GTF2F2: variants seen among roughly 807,000 people sequenced by gnomAD.
The protein encoded by GTF2F2 is ATP-dependent helicase GTF2F2.
GTF2F2 carries 23 observed loss-of-function variants against 42.2 expected under a neutral mutation model. The observed-to-expected ratio is 0.55, with a 90% CI of 0.39 to 0.77. The LOEUF is 0.77. GTF2F2 is among the 30% of genes least tolerant of loss of function. The pLI is 0.00. For synonymous variants in GTF2F2, 105 were observed against 100.8 expected (o/e 1.04, Z -0.25); for missense variants, 261 against 287.2 (o/e 0.91, Z 0.66).
chr13:45,276,795 A>G (rs1432628120), intron 7 of GTF2F2, among the ~76,000 whole-genome samples: 6 of 152,216 alleles, frequency 3.9e-5, no homozygotes, highest in Admixed American at 1.3e-4. Flanking sequence ...AGCCTAAAGA[A>G]AGTAAATTTT....
chr13:45,171,885 T>C (rs1253407160), intron 4 of GTF2F2, among the ~76,000 whole-genome samples: 1 of 151,708 alleles, frequency 6.6e-6, no homozygotes, highest in Non-Finnish European at 1.5e-5. Flanking sequence ...TTTTTTTACT[T>C]AGCATGATGT....
chr13:45,244,505 G>GT (rs1176719137), intron 5 of GTF2F2, among the ~76,000 whole-genome samples: 1 of 151,834 alleles, frequency 6.6e-6, no homozygotes, highest in Non-Finnish European at 1.5e-5. Context: ...CTTGAGCTTT[G>GT]TTTTTTTGAT....
At chr13:45,145,164 T>C (rs961145813) in intron 2 of GTF2F2, among the ~76,000 whole-genome samples, 2 of 152,232 alleles carry the variant, frequency 1.3e-5, no homozygotes, top group Non-Finnish European at 2.9e-5. Flanking sequence ...TAAATTTCTC[T>C]TTGTTTCTTT....
At chr13:45,128,346 G>A (rs1315707393) in intron 1 of GTF2F2, among the ~76,000 whole-genome samples, 6 of 149,412 alleles carry the variant, frequency 4.0e-5, no homozygotes, top group African/African-American at 9.8e-5. Context: ...AGGCCGAGGC[G>A]GGCAGATCAC....
intron 4 of GTF2F2, among the ~76,000 whole-genome samples, chr13:45,153,254 G>C (rs1035091024): frequency 2.0e-5 from 3 of 151,460 alleles, no homozygotes; most frequent in South Asian, 2.1e-4. Context: ...TCCTGACCTC[G>C]TGATCCGCCC....
At chr13:45,197,807 GGAGA>G (rs539531459) in intron 4 of GTF2F2, among the ~76,000 whole-genome samples, 1 of 152,142 alleles carries the variant, frequency 6.6e-6, no homozygotes, top group African/African-American at 2.4e-5. Flanking sequence ...CTATACCAAG[GGAGA>G]CATCCCTGGA....
intron 4 of GTF2F2, among the ~76,000 whole-genome samples, chr13:45,191,203 C>G (rs1415163893): frequency 6.4e-5 from 5 of 78,424 alleles, no homozygotes; most frequent in African/African-American, 5.0e-4. Flanking sequence ...AACCCCGTCT[C>G]TACTAAAAAT....
intron 5 of GTF2F2, among the ~76,000 whole-genome samples, chr13:45,242,844 T>C (rs1875387067): frequency 6.6e-6 from 1 of 152,228 alleles, no homozygotes; most frequent in Non-Finnish European, 1.5e-5. Flanking sequence ...ATGGAGGATT[T>C]ATTGACTAAA....
intron 5 of GTF2F2, among the ~76,000 whole-genome samples, chr13:45,226,071 G>A (rs540702426): frequency 6.1e-5 from 9 of 148,176 alleles, no homozygotes; most frequent in African/African-American, 1.8e-4. Context: ...AAAAAAAAAA[G>A]CAATGTCATA....
chr13:45,272,494 G>T (rs1242654727), intron 7 of GTF2F2, among the ~76,000 whole-genome samples: 1 of 147,042 alleles, frequency 6.8e-6, no homozygotes, highest in Admixed American at 6.8e-5. Context: ...AGTAATCCCA[G>T]CACTTTGAGA....
chr13:45,172,118 G>A (rs1871627354), intron 4 of GTF2F2, among the ~76,000 whole-genome samples: 1 of 152,080 alleles, frequency 6.6e-6, no homozygotes, highest in Admixed American at 6.6e-5. Flanking sequence ...TATATACCTA[G>A]GAGTGGAATG....
chr13:45,185,544 C>T (rs1010199568), intron 4 of GTF2F2, among the ~76,000 whole-genome samples: 4 of 152,176 alleles, frequency 2.6e-5, no homozygotes, highest in Non-Finnish European at 2.9e-5. Context: ...CAACCTTTAG[C>T]TATTGTACAA....
rs761914958 is a variant in GTF2F2, at chr13:45,165,331, A to ATAT, written c.304+13501_304+13502insATT. Reference sequence around the variant, plus strand: ...CTAAAATATATATATATATATATATATTTTTTTTTTCTTTGAGACAAAGTC... The same window carrying ATAT: ...CTAAAATATATATATATATATATATATATTTTTTTTTTTCTTTGAGACAAAGTC... On this transcript the variant is annotated intron_variant, in intron 4 of 7. Coordinates refer to ENST00000340473, the MANE Select transcript of GTF2F2 (RefSeq NM_004128.3). 3.1e-3 allele frequency among the ~76,000 whole-genome samples: 420 copies of ATAT among 136,904 alleles called. 2 individuals carry two copies. Among genetic ancestry groups the ATAT allele is most frequent in the African/African-American group, 8.8e-3 (306 of 34,822 alleles). The allele number at this position is 136,904 out of a possible 152,430, so 89.8% of individuals were successfully genotyped here.
chr13:45,129,680 G>A (rs967986719), intron 1 of GTF2F2, among the ~76,000 whole-genome samples: 1 of 152,164 alleles, frequency 6.6e-6, no homozygotes, highest in Non-Finnish European at 1.5e-5. Context: ...TTCTATTCTG[G>A]ATGCTAGAGA....
intron 5 of GTF2F2, among the ~76,000 whole-genome samples, chr13:45,209,259 A>G (rs999678892): frequency 1.3e-5 from 2 of 152,220 alleles, no homozygotes; most frequent in African/African-American, 4.8e-5. Flanking sequence ...TAGATACACA[A>G]ATACTTAAAA....
At chr13:45,241,718 A>G (rs1048278234) in intron 5 of GTF2F2, among the ~76,000 whole-genome samples, 2 of 152,318 alleles carry the variant, frequency 1.3e-5, no homozygotes, top group African/African-American at 2.4e-5. Flanking sequence ...ATGTTAGCAT[A>G]TATTACTGTA....
chr13:45,173,270 A>C (rs1871686625), intron 4 of GTF2F2, among the ~76,000 whole-genome samples: 1 of 152,116 alleles, frequency 6.6e-6, no homozygotes, highest in African/African-American at 2.4e-5. Context: ...CAGTGGTAAT[A>C]TTGCAATTCA....
intron 5 of GTF2F2, among the ~76,000 whole-genome samples, chr13:45,221,449 T>C (rs1874112143): frequency 6.6e-6 from 1 of 152,180 alleles, no homozygotes; most frequent in African/African-American, 2.4e-5. Context: ...AAAAGACCAC[T>C]GAGGGACTTA....
At chr13:45,174,170 G>A (rs1406361364) in intron 4 of GTF2F2, among the ~76,000 whole-genome samples, 1 of 152,140 alleles carries the variant, frequency 6.6e-6, no homozygotes, top group East Asian at 1.9e-4. Flanking sequence ...GAACATTTGT[G>A]TATAGATCTT....
Sources: gnomAD v4.1 joint callset for allele counts (sites outside exome capture counted in the v4.1 genomes callset) on GRCh38, gnomAD v4.1.1 for gene constraint, MANE v1.5 for transcripts, NCBI Gene and HGNC (gene_info 2026-07-23, HGNC 2026-07-21) for gene names.